The following CAP2 variants were observed in gnomAD, a reference collection of about 807,000 sequenced individuals.
CAP2 encodes adenylyl cyclase-associated protein 2.
A neutral mutation model predicts 57.7 loss-of-function variants in CAP2; 24 were observed. That is an observed-to-expected ratio of 0.42 (90% CI 0.30 to 0.58). CAP2 has a LOEUF of 0.58. Among genes scored for constraint, CAP2 ranks in the 20% least tolerant of loss-of-function variants. CAP2 has a pLI of 0.22. For missense variants in CAP2, 501 were observed against 590.3 expected (o/e 0.85, Z 1.57); for synonymous variants, 194 against 207.2 (o/e 0.94, Z 0.55).
At chr6:17,425,312 G>T (rs1759561656) in intron 2 of CAP2, among the ~76,000 whole-genome samples, 1 of 152,194 alleles carries the variant, frequency 6.6e-6, no homozygotes, top group Non-Finnish European at 1.5e-5. Flanking sequence ...GAGCACACCT[G>T]TTGGGCAGTT....
intron 7 of CAP2, among the ~76,000 whole-genome samples, chr6:17,520,916 C>T (rs923290138): frequency 6.6e-6 from 1 of 152,246 alleles, no homozygotes; most frequent in African/African-American, 2.4e-5. Flanking sequence ...GGCAGCGCCT[C>T]AGATGATGTG....
intron 4 of CAP2, among the ~76,000 whole-genome samples, chr6:17,499,680 G>C (rs925530271): frequency 1.3e-5 from 2 of 151,850 alleles, no homozygotes; most frequent in African/African-American, 4.8e-5. Flanking sequence ...CGGAGACCCA[G>C]TCTCCTCAAA....
intron 4 of CAP2, 43 bp from the exon 5 acceptor site, chr6:17,507,126 G>T (rs1226651356): frequency 6.2e-7 from 1 of 1,611,398 alleles, no homozygotes; most frequent in Non-Finnish European, 8.5e-7. Context: ...CTATGCGTCT[G>T]CTCTGTCTGT....
chr6:17,424,876 G>A (rs1759546561), intron 2 of CAP2, among the ~76,000 whole-genome samples: 1 of 152,254 alleles, frequency 6.6e-6, no homozygotes, highest in South Asian at 2.1e-4. Flanking sequence ...ATACTCAGCA[G>A]AGATCCCCGC....
chr6:17,514,122 G>T (rs1762217665), intron 7 of CAP2, among the ~76,000 whole-genome samples, 168 bp downstream of exon 7: 1 of 152,184 alleles, frequency 6.6e-6, no homozygotes, highest in African/African-American at 2.4e-5. Flanking sequence ...CCAGCACTTT[G>T]GGAGGCTGAG....
chr6:17,460,689 C>T (rs141120587), intron 3 of CAP2, among the ~76,000 whole-genome samples: 2 of 152,240 alleles, frequency 1.3e-5, no homozygotes, highest in East Asian at 3.9e-4. Flanking sequence ...TATTATGGTG[C>T]AGAAACTTTT....
chr6:17,485,809 C>G (rs577087412), intron 4 of CAP2, among the ~76,000 whole-genome samples: 3 of 152,208 alleles, frequency 2.0e-5, no homozygotes, highest in African/African-American at 7.2e-5. Context: ...ACAGAAGTAG[C>G]CCTCAAACTA....
At chr6:17,536,208 TCTC>T (rs758972723) in intron 7 of CAP2, 3 of 456,666 alleles carry the variant, frequency 6.6e-6, no homozygotes, top group South Asian at 4.6e-5. Flanking sequence ...TATAGAAAGT[TCTC>T]CTGTCATGTG....
intron 3 of CAP2, among the ~76,000 whole-genome samples, chr6:17,447,640 A>G (rs1471875653): frequency 1.3e-5 from 2 of 152,218 alleles, no homozygotes; most frequent in Non-Finnish European, 2.9e-5. Context: ...CTGGGATTAC[A>G]GGCACTCGCC....
At chr6:17,516,263 A>G (rs1023757089) in intron 7 of CAP2, among the ~76,000 whole-genome samples, 1 of 152,156 alleles carries the variant, frequency 6.6e-6, no homozygotes, top group African/African-American at 2.4e-5. Context: ...CTCCCACTAG[A>G]TTGGAAACTC....
intron 7 of CAP2, among the ~76,000 whole-genome samples, chr6:17,517,739 A>G (rs1762302677): frequency 6.6e-6 from 1 of 152,050 alleles, no homozygotes; most frequent in African/African-American, 2.4e-5. Context: ...TGTCTCTACT[A>G]AAAATACAAA....
chr6:17,445,028 A>G (rs1017350261), intron 3 of CAP2, among the ~76,000 whole-genome samples: 1 of 152,210 alleles, frequency 6.6e-6, no homozygotes, highest in Non-Finnish European at 1.5e-5. Flanking sequence ...ATATTGACTT[A>G]TAATCACTGA....
At chr6:17,398,819 C>T (rs972595675) in intron 1 of CAP2, among the ~76,000 whole-genome samples, 5 of 152,112 alleles carry the variant, frequency 3.3e-5, no homozygotes, top group African/African-American at 4.8e-5. Flanking sequence ...CCACCGTGCC[C>T]GGTCCGATTT....
At chr6:17,459,011 T>C (rs765680800) in intron 3 of CAP2, among the ~76,000 whole-genome samples, 1 of 151,998 alleles carries the variant, frequency 6.6e-6, no homozygotes, top group Non-Finnish European at 1.5e-5. Flanking sequence ...TTTCTAACCC[T>C]GTCCCCAAAA....
At chr6:17,508,509 A>G (rs1196174074) in intron 6 of CAP2, among the ~76,000 whole-genome samples, 2 of 152,162 alleles carry the variant, frequency 1.3e-5, no homozygotes, top group Non-Finnish European at 2.9e-5. Flanking sequence ...GCTAAATGTG[A>G]TGTGGCTGGT....
At chr6:17,528,292 C>T (rs548657586) in intron 7 of CAP2, among the ~76,000 whole-genome samples, 1 of 152,128 alleles carries the variant, frequency 6.6e-6, no homozygotes, top group South Asian at 2.1e-4. Context: ...GGGACGAAAC[C>T]CCATTATAAG....
At chr6:17,403,164 C>T (rs1300603454) in intron 1 of CAP2, among the ~76,000 whole-genome samples, 4 of 152,180 alleles carry the variant, frequency 2.6e-5, no homozygotes, top group Non-Finnish European at 4.4e-5. Flanking sequence ...TGCAGTGGCA[C>T]GATCTTGGCT....
chr6:17,487,492 G>A (rs1246230498), intron 4 of CAP2, among the ~76,000 whole-genome samples: 1 of 151,374 alleles, frequency 6.6e-6, no homozygotes, highest in East Asian at 1.9e-4. Flanking sequence ...TTTTTGAGAT[G>A]GAGTTTTGCT....
chr6:17,533,427 T>A (rs1457728517), intron 7 of CAP2, among the ~76,000 whole-genome samples: 3 of 152,140 alleles, frequency 2.0e-5, no homozygotes, highest in Non-Finnish European at 4.4e-5. Context: ...AAAAAAAGTA[T>A]ATAATTGAAT....
Sources: allele counts gnomAD v4.1 joint callset (sites outside exome capture counted in the v4.1 genomes callset), GRCh38; gene constraint gnomAD v4.1.1; transcripts MANE v1.5; gene names NCBI Gene and HGNC (gene_info 2026-07-23, HGNC 2026-07-21).